Variants in SLX4IP observed in about 807,000 individuals in gnomAD.
The protein encoded by SLX4IP is SLX4 interacting protein, also known as protein SLX4IP.
A neutral mutation model predicts 32.9 loss-of-function variants in SLX4IP; 34 were observed. The ratio of observed to expected loss-of-function variants is 1.03; its 90% confidence interval spans 0.79 to 1.38. SLX4IP has a LOEUF of 1.38. Ranked by LOEUF, SLX4IP falls within the 40% of genes most tolerant of loss-of-function variation. SLX4IP has a pLI of 0.00. For synonymous variants in SLX4IP, 172 were observed against 171.7 expected, an observed-to-expected ratio of 1.00 and a Z score of -0.01; for missense variants, 444 against 479.0, an observed-to-expected ratio of 0.93 and a Z score of 0.68.
chr20:10,551,802 A>ACGTTTGTC (rs1187973670), intron 2 of SLX4IP, among the ~76,000 whole-genome samples: 1 of 152,198 alleles, frequency 6.6e-6, no homozygotes, highest in East Asian at 1.9e-4. Context: ...GCCAAGGATG[A>ACGTTTGTC]AAACGTCAGG....
chr20:10,449,620 TG>T (rs2065226364), intron 1 of SLX4IP, among the ~76,000 whole-genome samples: 2 of 152,210 alleles, frequency 1.3e-5, no homozygotes, highest in South Asian at 4.1e-4. Context: ...ATGGCAAGGC[TG>T]GGAGTAGAGG....
chr20:10,488,199 G>C (rs1330608172), intron 2 of SLX4IP, among the ~76,000 whole-genome samples: 3 of 152,186 alleles, frequency 2.0e-5, no homozygotes, highest in Admixed American at 2.0e-4. Context: ...TTTGGAAACA[G>C]AGTCTGTAAA....
At chr20:10,488,625 G>A (rs1379037187) in intron 2 of SLX4IP, among the ~76,000 whole-genome samples, 1 of 152,106 alleles carries the variant, frequency 6.6e-6, no homozygotes, top group Non-Finnish European at 1.5e-5. Context: ...TTCCTTATTT[G>A]TAAAATAACA....
At chr20:10,509,639 T>C (rs1242165151) in intron 2 of SLX4IP, among the ~76,000 whole-genome samples, 1 of 152,176 alleles carries the variant, frequency 6.6e-6, no homozygotes, top group Non-Finnish European at 1.5e-5. Flanking sequence ...CATTGCAGCA[T>C]TGTTTACAGT....
chr20:10,453,910 T>G (rs1363931602), intron 1 of SLX4IP, among the ~76,000 whole-genome samples: 1 of 152,190 alleles, frequency 6.6e-6, no homozygotes, highest in African/African-American at 2.4e-5. Context: ...CTGAGAGATT[T>G]CATCAGCTTT....
chr20:10,505,111 T>A (rs900330309), intron 2 of SLX4IP, among the ~76,000 whole-genome samples: 1 of 152,194 alleles, frequency 6.6e-6, no homozygotes, highest in East Asian at 1.9e-4. Flanking sequence ...TTAGACACAC[T>A]GTACTGAGAA....
At chr20:10,441,173 C>T (rs929438021) in intron 1 of SLX4IP, among the ~76,000 whole-genome samples, 1 of 152,148 alleles carries the variant, frequency 6.6e-6, no homozygotes, top group Non-Finnish European at 1.5e-5. Context: ...GGTGGGGTCA[C>T]ACCTGTAATC....
chr20:10,614,378 A>C, intron 6 of SLX4IP: 1 of 560,228 alleles, frequency 1.8e-6, no homozygotes, highest in Non-Finnish European at 3.1e-6. Flanking sequence ...TCCTAAAAAC[A>C]AGAGTTTGGT....
At chr20:10,467,568 C>T (rs188757477) in intron 2 of SLX4IP, among the ~76,000 whole-genome samples, 13 of 152,286 alleles carry the variant, frequency 8.5e-5, no homozygotes, top group Admixed American at 8.5e-4. Flanking sequence ...CATACAGGGT[C>T]AATGCGAGTT....
chr20:10,474,494 AC>A (rs1400896599), intron 2 of SLX4IP, among the ~76,000 whole-genome samples: 2 of 151,636 alleles, frequency 1.3e-5, no homozygotes, highest in East Asian at 1.9e-4. Context: ...TCTTTCCTAG[AC>A]CCCCTTCCCT....
intron 2 of SLX4IP, among the ~76,000 whole-genome samples, chr20:10,505,087 AT>A (rs1193812165): frequency 7.9e-4 from 121 of 152,292 alleles, no homozygotes; most frequent in African/African-American, 2.7e-3. Flanking sequence ...ACATTAAGTG[AT>A]TTATTTTTTT....
chr20:10,557,236 T>C (rs1161859267), intron 3 of SLX4IP, among the ~76,000 whole-genome samples: 1 of 152,192 alleles, frequency 6.6e-6, no homozygotes, highest in Non-Finnish European at 1.5e-5. Context: ...ATAATTGCTT[T>C]TAATTAGCTT....
At chr20:10,563,296 G>A (rs1243583981) in intron 4 of SLX4IP, among the ~76,000 whole-genome samples, 1 of 152,126 alleles carries the variant, frequency 6.6e-6, no homozygotes, top group East Asian at 1.9e-4. Flanking sequence ...TGTATATTAT[G>A]GACATTAGTC....
At chr20:10,593,123 G>A (rs1423712900) in intron 4 of SLX4IP, among the ~76,000 whole-genome samples, 3 of 152,132 alleles carry the variant, frequency 2.0e-5, no homozygotes, top group South Asian at 2.1e-4. Context: ...AGCTGCTTCC[G>A]GGTTAGCACA....
intron 2 of SLX4IP, among the ~76,000 whole-genome samples, chr20:10,524,764 C>A (rs2065927798): frequency 1.3e-5 from 2 of 152,280 alleles, no homozygotes; most frequent in Middle Eastern, 3.4e-3. Context: ...CTTTTCAAAG[C>A]CTCAGTTGAC....
chr20:10,620,706 A>G (rs1388280535), intron 6 of SLX4IP, among the ~76,000 whole-genome samples: 1 of 152,074 alleles, frequency 6.6e-6, no homozygotes, highest in Non-Finnish European at 1.5e-5. Context: ...GGCATCTGCC[A>G]CCACGTCCCG....
intron 2 of SLX4IP, among the ~76,000 whole-genome samples, chr20:10,525,218 C>A (rs1381650526): frequency 2.6e-5 from 4 of 152,164 alleles, no homozygotes; most frequent in African/African-American, 9.7e-5. Context: ...AGCAGTACCA[C>A]AAGGATTTTA....
intron 2 of SLX4IP, among the ~76,000 whole-genome samples, chr20:10,518,023 A>G (rs528468939): frequency 6.6e-6 from 1 of 152,076 alleles, no homozygotes; most frequent in East Asian, 1.9e-4. Context: ...GGGGAGGGGC[A>G]GGGGGAGGGA....
intron 2 of SLX4IP, among the ~76,000 whole-genome samples, chr20:10,464,591 C>A (rs2065364823): frequency 1.3e-5 from 2 of 152,110 alleles, no homozygotes; most frequent in Admixed American, 6.5e-5. Context: ...CACATAGATG[C>A]AGCCACTTTT....
Sources: gnomAD v4.1 joint callset for allele counts (sites outside exome capture counted in the v4.1 genomes callset) on GRCh38, gnomAD v4.1.1 for gene constraint, MANE v1.5 for transcripts, NCBI Gene and HGNC (gene_info 2026-07-23, HGNC 2026-07-21) for gene names.